PRKCE: variants seen among roughly 807,000 people sequenced by gnomAD.
The protein encoded by PRKCE is protein kinase C epsilon type.
Under a neutral mutation model 85.4 loss-of-function variants are expected in PRKCE, and 16 were observed. The ratio of observed to expected loss-of-function variants is 0.19; its 90% confidence interval spans 0.13 to 0.28. The LOEUF is 0.28. Among genes scored for constraint, PRKCE ranks in the 10% least tolerant of loss-of-function variants. The pLI is 1.00. For synonymous variants in PRKCE, 388 were observed against 371.5 expected (o/e 1.04, Z -0.51); for missense variants, 573 against 975.2 (o/e 0.59, Z 5.49).
chr2:46,029,530 G>C (rs1227463883), intron 10 of PRKCE, among the ~76,000 whole-genome samples: 1 of 152,144 alleles, frequency 6.6e-6, no homozygotes, highest in African/African-American at 2.4e-5. Flanking sequence ...GCCACCCTTT[G>C]TGAAATGAAA....
Position 45,990,724 on chromosome 2 carries a change from G to T in PRKCE, c.823+6044G>T, listed in dbSNP as rs747685505. Among the ~76,000 whole-genome samples, 3 of 149,122 alleles carry T rather than the reference G, an allele frequency of 2.0e-5. No homozygotes were observed. The South Asian group carries it at 6.4e-4, about 32-fold the overall frequency. ...GGCTGGAGTGCAGTGACATGATCTC[G>T]GCTCTCAGCTCACTGCAACTTTCAC... is the stretch of plus-strand genomic sequence containing the variant. On this transcript the variant is annotated intron_variant, in intron 6 of 14. Coordinates refer to ENST00000306156, the MANE Select transcript of PRKCE (RefSeq NM_005400.3).
chr2:45,739,650 A>C (rs1682381003), intron 1 of PRKCE, among the ~76,000 whole-genome samples: 1 of 152,158 alleles, frequency 6.6e-6, no homozygotes, highest in African/African-American at 2.4e-5. Flanking sequence ...GAGAAGACAA[A>C]ATTCTAGGGT....
At chr2:46,046,919 T>C (rs573872806) in intron 10 of PRKCE, among the ~76,000 whole-genome samples, 5 of 152,320 alleles carry the variant, frequency 3.3e-5, no homozygotes, top group Admixed American at 1.3e-4. Flanking sequence ...ATTTCCACTT[T>C]CATCTACCAG....
intron 13 of PRKCE, among the ~76,000 whole-genome samples, chr2:46,153,932 G>A (rs959193021): frequency 1.3e-5 from 2 of 151,662 alleles, no homozygotes; most frequent in African/African-American, 2.4e-5. Context: ...GATTACAGGC[G>A]CCCACCACCA....
intron 8 of PRKCE, among the ~76,000 whole-genome samples, chr2:46,005,498 A>G (rs1320290698): frequency 1.3e-5 from 2 of 152,100 alleles, no homozygotes; most frequent in African/African-American, 4.8e-5. Context: ...TTGGTGCTTC[A>G]TTACTGTCCC....
At chr2:46,053,031 C>T (rs947789913) in intron 10 of PRKCE, among the ~76,000 whole-genome samples, 25 of 152,156 alleles carry the variant, frequency 1.6e-4, no homozygotes, top group Admixed American at 4.6e-4. Flanking sequence ...TGTGAACTTA[C>T]GGATGAGAAA....
intron 2 of PRKCE, among the ~76,000 whole-genome samples, chr2:45,868,454 C>A (rs905965418): frequency 1.3e-5 from 2 of 151,030 alleles, no homozygotes; most frequent in African/African-American, 4.8e-5. Context: ...CCCCTTTTTC[C>A]CTCCTGCCAC....
intron 2 of PRKCE, among the ~76,000 whole-genome samples, chr2:45,885,286 CA>C (rs927299136): frequency 1.3e-5 from 2 of 152,026 alleles, no homozygotes; most frequent in African/African-American, 4.8e-5. Context: ...ATGTGACTTC[CA>C]AATAAAATGA....
chr2:45,841,501 ACTT>A (rs1242382962), intron 1 of PRKCE, among the ~76,000 whole-genome samples: 7 of 152,234 alleles, frequency 4.6e-5, no homozygotes, highest in Non-Finnish European at 1.0e-4. Flanking sequence ...AGTCTTTCAA[ACTT>A]CTTCTGCCTG....
chr2:45,798,010 C>T (rs1687576358), intron 1 of PRKCE, among the ~76,000 whole-genome samples: 1 of 152,172 alleles, frequency 6.6e-6, no homozygotes, highest in African/African-American at 2.4e-5. Context: ...ATTTTATACT[C>T]CTGTGAGGAA....
intron 11 of PRKCE, among the ~76,000 whole-genome samples, chr2:46,137,824 C>A (rs1417187847): frequency 6.6e-6 from 1 of 151,860 alleles, no homozygotes; most frequent in Non-Finnish European, 1.5e-5. Flanking sequence ...CTGGTCTCAT[C>A]CCATCTCCAG....
At chr2:46,124,612 A>C (rs1007789838) in intron 11 of PRKCE, among the ~76,000 whole-genome samples, 2 of 152,180 alleles carry the variant, frequency 1.3e-5, no homozygotes, top group African/African-American at 4.8e-5. Flanking sequence ...TGACCACATA[A>C]TCCATGGCTC....
At chr2:46,030,893 C>T (rs1439422696) in intron 10 of PRKCE, among the ~76,000 whole-genome samples, 3 of 152,156 alleles carry the variant, frequency 2.0e-5, no homozygotes, top group Admixed American at 6.5e-5. Context: ...AGACAGTTTT[C>T]GTTACGTGTT....
chr2:46,132,618 G>A (rs1020333292), intron 11 of PRKCE, among the ~76,000 whole-genome samples: 1 of 152,120 alleles, frequency 6.6e-6, no homozygotes, highest in East Asian at 1.9e-4. Context: ...CAGCCTCGTT[G>A]TCCATCAAAC....
Position 46,151,244 on chromosome 2 carries a change from C to G in PRKCE, c.1920+15C>G, listed in dbSNP as rs959757396. The G allele has an allele frequency of 6.3e-7, 1 of 1,591,040 alleles. No individual in the cohort carries two copies. The highest frequency in any genetic ancestry group is 2.2e-5 in the East Asian group (1 of 44,670). On this transcript the variant is annotated intron_variant, in intron 13 of 14. Transcript: ENST00000306156. ...TCTTGAAAGCTGTGAGTCACTGCCC[C>G]TCACCCATGGCTGTGCTCTCCTGGG...
At chr2:45,782,770 TAC>T (rs967138986) in intron 1 of PRKCE, among the ~76,000 whole-genome samples, 1 of 151,298 alleles carries the variant, frequency 6.6e-6, no homozygotes, top group Non-Finnish European at 1.5e-5. Flanking sequence ...TACACACACA[TAC>T]ACACACACAC....
At chr2:45,780,229 G>A (rs1032565929) in intron 1 of PRKCE, among the ~76,000 whole-genome samples, 10 of 152,178 alleles carry the variant, frequency 6.6e-5, no homozygotes, top group South Asian at 2.1e-4. Context: ...AGGTCTATAC[G>A]TTGCATTTGA....
intron 1 of PRKCE, among the ~76,000 whole-genome samples, chr2:45,725,761 G>T (rs911923713): frequency 2.0e-5 from 3 of 151,990 alleles, no homozygotes; most frequent in Non-Finnish European, 2.9e-5. Flanking sequence ...AACCCGGGAG[G>T]CGGAGGTTGC....
chr2:45,932,551 C>A (rs1699121558), intron 2 of PRKCE, among the ~76,000 whole-genome samples: 1 of 152,162 alleles, frequency 6.6e-6, no homozygotes, highest in African/African-American at 2.4e-5. Flanking sequence ...TGCTTCACAA[C>A]CCTGCCAAAA....
Sources: allele counts gnomAD v4.1 joint callset (sites outside exome capture counted in the v4.1 genomes callset), GRCh38; gene constraint gnomAD v4.1.1; transcripts MANE v1.5; gene names NCBI Gene and HGNC (gene_info 2026-07-23, HGNC 2026-07-21).